Variants in FERMT2 observed in about 807,000 individuals in gnomAD.
FERMT2 encodes the protein fermitin family homolog 2.
A neutral mutation model predicts 82.7 loss-of-function variants in FERMT2; 15 were observed. The observed-to-expected ratio is 0.18, with a 90% CI of 0.12 to 0.28. The LOEUF (loss-of-function observed/expected upper bound fraction) is 0.28, where lower values mean the gene tolerates loss of function less well. Among genes scored for constraint, FERMT2 ranks in the 10% least tolerant of loss-of-function variants. FERMT2 has a pLI of 1.00. For synonymous variants in FERMT2, 274 were observed against 271.5 expected (o/e 1.01, Z -0.09); for missense variants, 645 against 809.4 (o/e 0.80, Z 2.46).
At position 52,931,042 on chromosome 14, in the gene FERMT2, T is replaced by C. The variant is rs143901798; in HGVS notation, c.158-11686A>G. 5.3e-5 allele frequency among the ~76,000 whole-genome samples: 8 copies of C among 152,298 alleles called. No individual in the cohort carries two copies. In the East Asian group the frequency reaches 1.5e-3, roughly 29 times the overall value. ...ATGTGCCCTCCTGTTCTGATCTCTT[T>C]AGTCACTCAGACCTTTAAAAAGCGA... is the stretch of plus-strand genomic sequence containing the variant. On this transcript the variant is annotated intron_variant, in intron 2 of 14. Coordinates refer to ENST00000341590, the MANE Select transcript of FERMT2 (RefSeq NM_006832.3).
intron 3 of FERMT2, among the ~76,000 whole-genome samples, chr14:52,910,455 G>T (rs1168820879): frequency 6.6e-6 from 1 of 151,808 alleles, no homozygotes; most frequent in African/African-American, 2.4e-5. Context: ...TCTTAAGAAG[G>T]CTCTTCATTT....
chr14:52,939,324 C>G (rs987327887), intron 2 of FERMT2, among the ~76,000 whole-genome samples: 1 of 143,748 alleles, frequency 7.0e-6, no homozygotes, highest in Non-Finnish European at 1.5e-5. Context: ...AGTGAGCTGA[C>G]AGCACATCAC....
chr14:52,928,039 C>A (rs564890186), intron 2 of FERMT2: 3 of 380,398 alleles, frequency 7.9e-6, no homozygotes, highest in South Asian at 3.8e-5. Flanking sequence ...CCTTAAGTAA[C>A]CACATCTTAA....
chr14:52,867,828 A>G (rs55685925), intron 10 of FERMT2, among the ~76,000 whole-genome samples: 122,650 of 152,020 alleles, frequency 0.81, 50,861 homozygotes, highest in Non-Finnish European at 0.9. Flanking sequence ...AATTGCACAA[A>G]TCAGAAAAAT....
chr14:52,860,946 T>A, intron 12 of FERMT2: 2 of 1,148,174 alleles, frequency 1.7e-6, no homozygotes, highest in Non-Finnish European at 2.5e-6. Flanking sequence ...GTAAATTCCA[T>A]GAGGGAAGGT....
chr14:52,917,677 A>G (rs1186958883), intron 3 of FERMT2, among the ~76,000 whole-genome samples: 2 of 152,228 alleles, frequency 1.3e-5, no homozygotes, highest in South Asian at 4.1e-4. Flanking sequence ...ATGAACATCC[A>G]TAACAGTGCT....
chr14:52,903,713 A>C (rs1227944665), intron 3 of FERMT2, among the ~76,000 whole-genome samples: 1 of 152,232 alleles, frequency 6.6e-6, no homozygotes, highest in Non-Finnish European at 1.5e-5. Flanking sequence ...ATAGTATCTC[A>C]AAAATTTACA....
intron 3 of FERMT2, among the ~76,000 whole-genome samples, chr14:52,901,991 A>T (rs537990830): frequency 3.3e-5 from 5 of 152,256 alleles, no homozygotes; most frequent in African/African-American, 1.2e-4. Context: ...AAAATAACTT[A>T]TGAGAAACAG....
intron 9 of FERMT2, 74 bp from the exon 10 acceptor site, chr14:52,872,997 CAATATT>C (rs1885722205): frequency 7.0e-7 from 1 of 1,430,086 alleles, no homozygotes; most frequent in Non-Finnish European, 9.7e-7. Context: ...CAAAGTTTCA[CAATATT>C]AATTTAAGTC....
At chr14:52,871,667 G>A (rs1321539162) in intron 10 of FERMT2, 1 of 152,236 alleles carries the variant, frequency 6.6e-6, no homozygotes, top group Non-Finnish European at 1.5e-5. Flanking sequence ...AGAAAATTAA[G>A]CTGTAGGTCA....
intron 4 of FERMT2, among the ~76,000 whole-genome samples, chr14:52,882,121 T>C (rs1280671969): frequency 2.6e-5 from 4 of 152,204 alleles, no homozygotes; most frequent in African/African-American, 9.6e-5. Flanking sequence ...CCATACAATT[T>C]GAAGGTAACA....
chr14:52,942,372 G>A (rs929490033), intron 2 of FERMT2, among the ~76,000 whole-genome samples: 10 of 147,512 alleles, frequency 6.8e-5, no homozygotes, highest in East Asian at 2.0e-4. Context: ...GCGCGATCCC[G>A]GCTCACTGCA....
chr14:52,936,418 A>C (rs1284177425), intron 2 of FERMT2, among the ~76,000 whole-genome samples: 2 of 152,210 alleles, frequency 1.3e-5, no homozygotes, highest in Non-Finnish European at 2.9e-5. Flanking sequence ...ATGTGTAAAA[A>C]TCTGATGTCT....
intron 2 of FERMT2, chr14:52,927,944 G>A (rs1889377713): frequency 1.3e-5 from 4 of 308,032 alleles, no homozygotes; most frequent in South Asian, 1.1e-4. Flanking sequence ...TTTATTTAAT[G>A]CCATAATGTT....
At chr14:52,873,023 G>A in intron 9 of FERMT2, 100 bp from the exon 10 acceptor site, 1 of 1,129,336 alleles carries the variant, frequency 8.9e-7, no homozygotes, top group Admixed American at 1.9e-5. Context: ...CTGGGGTCAA[G>A]TTTTACACGT....
intron 13 of FERMT2, 54 bp from the exon 14 acceptor site, chr14:52,859,768 G>T: frequency 1.8e-6 from 2 of 1,122,402 alleles, no homozygotes; most frequent in Non-Finnish European, 2.5e-6. Flanking sequence ...GAACATGTTG[G>T]ACTGCTTTTC....
chr14:52,875,673 T>C (rs375961557), intron 7 of FERMT2, among the ~76,000 whole-genome samples: 11 of 152,142 alleles, frequency 7.2e-5, no homozygotes, highest in Admixed American at 5.9e-4. Context: ...TTTTTTTTCA[T>C]TGTAATCTGC....
intron 3 of FERMT2, among the ~76,000 whole-genome samples, chr14:52,909,836 C>T (rs1888213674): frequency 6.6e-6 from 1 of 152,082 alleles, no homozygotes; most frequent in Non-Finnish European, 1.5e-5. Context: ...GGGTGGATCA[C>T]GAGGTCAAGG....
intron 2 of FERMT2, among the ~76,000 whole-genome samples, chr14:52,944,556 G>C (rs900004573): frequency 1.3e-5 from 2 of 152,172 alleles, no homozygotes; most frequent in Non-Finnish European, 1.5e-5. Context: ...ATTTTTTTGT[G>C]TAACGAAGCC....
Sources: allele counts gnomAD v4.1 joint callset (sites outside exome capture counted in the v4.1 genomes callset), GRCh38; gene constraint gnomAD v4.1.1; transcripts MANE v1.5; gene names NCBI Gene and HGNC (gene_info 2026-07-23, HGNC 2026-07-21).